The following RARB variants were observed in gnomAD, a reference collection of about 807,000 sequenced individuals.
The protein encoded by RARB is HBV-activated protein.
A neutral mutation model predicts 51.9 loss-of-function variants in RARB; 17 were observed. The observed-to-expected ratio is 0.33, with a 90% CI of 0.22 to 0.49. The LOEUF (loss-of-function observed/expected upper bound fraction) is 0.49. Among genes scored for constraint, RARB ranks in the 20% least tolerant of loss-of-function variants. The probability of loss-of-function intolerance (pLI) is 0.99; values close to 1 mark genes in which losing one functional copy is unlikely to be tolerated. For synonymous variants in RARB, 215 were observed against 195.4 expected, an observed-to-expected ratio of 1.10 and a Z score of -0.84; for missense variants, 369 against 550.8, an observed-to-expected ratio of 0.67 and a Z score of 3.30.
At chr3:25,326,102 C>G (rs1384094754) in intron 5 of RARB, among the ~76,000 whole-genome samples, 1 of 152,158 alleles carries the variant, frequency 6.6e-6, no homozygotes, top group Admixed American at 6.5e-5. Context: ...GCTTATCTCC[C>G]CCTTGGAAAG....
At chr3:25,217,981 T>A (rs9856563) in intron 5 of RARB, among the ~76,000 whole-genome samples, 119,361 of 151,874 alleles carry the variant, frequency 0.79, 47,459 homozygotes, top group East Asian at 0.85. Flanking sequence ...TCTCTTTTTT[T>A]AAAAAAAATT....
At chr3:25,112,594 T>C (rs1190843646) in intron 3 of RARB, among the ~76,000 whole-genome samples, 3 of 151,990 alleles carry the variant, frequency 2.0e-5, no homozygotes, top group Non-Finnish European at 4.4e-5. Context: ...CTGGGCCACA[T>C]AGGGAGACCT....
At chr3:24,985,341 GT>G (rs1696764903) in intron 2 of RARB, among the ~76,000 whole-genome samples, 1 of 142,864 alleles carries the variant, frequency 7.0e-6, no homozygotes, top group South Asian at 2.2e-4. Context: ...TTGCCTCATG[GT>G]TTTTTTGTTT....
rs542151954 is a variant in RARB, at chr3:25,170,980, A to G, written c.-279-3139A>G. Among the ~76,000 whole-genome samples the G allele has an allele frequency of 3.3e-5, 5 of 152,200 alleles. No individual in the cohort carries two copies. In the East Asian group the frequency reaches 9.6e-4, roughly 29 times the overall value. On this transcript the variant is annotated intron_variant, in intron 4 of 11. Coordinates refer to the RARB transcript ENST00000383772. ...ATCAAAGGCAGATTATTGCATAACA[A>G]TATCAACTATACCGACAATTATTAT...
chr3:24,845,942 G>T (rs1363458823), intron 1 of RARB, among the ~76,000 whole-genome samples: 1 of 152,156 alleles, frequency 6.6e-6, no homozygotes, highest in Admixed American at 6.5e-5. Flanking sequence ...TTTACACTAT[G>T]CAGGCACAGA....
chr3:24,985,687 C>G (rs1423365816), intron 2 of RARB, among the ~76,000 whole-genome samples: 1 of 152,190 alleles, frequency 6.6e-6, no homozygotes, highest in Admixed American at 6.5e-5. Flanking sequence ...TCTTTTGTTT[C>G]CAGAAATTTT....
intron 5 of RARB, among the ~76,000 whole-genome samples, chr3:25,190,480 C>G (rs1027594262): frequency 6.6e-6 from 1 of 152,062 alleles, no homozygotes; most frequent in Admixed American, 6.6e-5. Context: ...TTATAGAGCA[C>G]TCCAGGAGAT....
intron 3 of RARB, among the ~76,000 whole-genome samples, chr3:25,564,464 C>T (rs1166022894): frequency 6.6e-6 from 1 of 152,190 alleles, no homozygotes; most frequent in Non-Finnish European, 1.5e-5. Flanking sequence ...CTGGCTACTA[C>T]TGTAGGGGTG....
At chr3:25,096,782 T>A (rs904595890) in intron 3 of RARB, among the ~76,000 whole-genome samples, 5 of 152,100 alleles carry the variant, frequency 3.3e-5, no homozygotes, top group Admixed American at 6.6e-5. Context: ...CAGTTGAGGC[T>A]CCTGGGAAGA....
At chr3:24,973,466 A>G (rs1696445070) in intron 2 of RARB, among the ~76,000 whole-genome samples, 1 of 151,968 alleles carries the variant, frequency 6.6e-6, no homozygotes, top group Admixed American at 6.6e-5. Context: ...TTATGTTTCT[A>G]TACAAATTTT....
intron 2 of RARB, among the ~76,000 whole-genome samples, chr3:24,939,455 G>A (rs1297492894): frequency 6.6e-6 from 1 of 152,094 alleles, no homozygotes; most frequent in African/African-American, 2.4e-5. Context: ...TTTAAATCTA[G>A]GTACAGTACT....
intron 2 of RARB, among the ~76,000 whole-genome samples, chr3:24,909,057 A>T (rs1003090084): frequency 1.3e-5 from 2 of 152,150 alleles, no homozygotes; most frequent in Non-Finnish European, 2.9e-5. Context: ...GCTTTTTCCA[A>T]AAGGCATCAT....
At chr3:25,164,098 T>C (rs967308280) in intron 4 of RARB, among the ~76,000 whole-genome samples, 1 of 151,856 alleles carries the variant, frequency 6.6e-6, no homozygotes, top group Admixed American at 6.6e-5. Context: ...ATAAAAAAAA[T>C]GCAGCTCCCA....
intron 3 of RARB, among the ~76,000 whole-genome samples, chr3:25,114,420 C>T (rs995908516): frequency 1.4e-5 from 2 of 148,052 alleles, no homozygotes; most frequent in Non-Finnish European, 3.1e-5. Flanking sequence ...CTGAAAGTAT[C>T]CTTGAGTTAA....
chr3:24,953,448 C>A (rs751102518), intron 2 of RARB, among the ~76,000 whole-genome samples: 25 of 152,190 alleles, frequency 1.6e-4, no homozygotes, highest in Non-Finnish European at 3.5e-4. Context: ...CTGAGCAATG[C>A]AGTCTTCTGG....
chr3:25,033,349 A>T (rs1031688318), intron 2 of RARB, among the ~76,000 whole-genome samples: 2 of 152,202 alleles, frequency 1.3e-5, no homozygotes, highest in African/African-American at 4.8e-5. Context: ...ATTATTTCTC[A>T]TAGAAATTAG....
intron 2 of RARB, among the ~76,000 whole-genome samples, chr3:25,489,117 C>T (rs959185582): frequency 6.6e-6 from 1 of 152,238 alleles, no homozygotes; most frequent in African/African-American, 2.4e-5. Flanking sequence ...AGTGTATTTT[C>T]ATATAGCATG....
intron 5 of RARB, among the ~76,000 whole-genome samples, chr3:25,309,797 A>G (rs576643360): frequency 2.6e-5 from 4 of 152,092 alleles, no homozygotes; most frequent in East Asian, 1.9e-4. Flanking sequence ...GCCCAGCCTC[A>G]TAATTGCTCT....
At chr3:25,328,416 A>C (rs551067106) in intron 5 of RARB, among the ~76,000 whole-genome samples, 1 of 152,368 alleles carries the variant, frequency 6.6e-6, no homozygotes, top group East Asian at 1.9e-4. Context: ...GCTACTAGAG[A>C]GGCTGAGGCA....
Sources: allele counts gnomAD v4.1 joint callset (sites outside exome capture counted in the v4.1 genomes callset), GRCh38; gene constraint gnomAD v4.1.1; transcripts MANE v1.5; gene names NCBI Gene and HGNC (gene_info 2026-07-23, HGNC 2026-07-21).